The following NRG4 variants were observed in gnomAD, a reference collection of about 807,000 sequenced individuals.
The protein encoded by NRG4 is neuregulin 4.
A neutral mutation model predicts 15.0 loss-of-function variants in NRG4; 10 were observed. The ratio of observed to expected loss-of-function variants is 0.67; its 90% confidence interval spans 0.41 to 1.13. NRG4 has a LOEUF of 1.13. NRG4 is among the 50% of genes most tolerant of loss of function. The probability of loss-of-function intolerance (pLI) is 0.00; values close to 1 mark genes in which losing one functional copy is unlikely to be tolerated. For missense variants in NRG4, 139 were observed against 140.2 expected (o/e 0.99, Z 0.04); for synonymous variants, 41 against 50.1 (o/e 0.82, Z 0.77).
chr15:75,945,614 G>A (rs1375000539), intron 5 of NRG4: 1 of 152,134 alleles, frequency 6.6e-6, no homozygotes, highest in Non-Finnish European at 1.5e-5. Context: ...ATGTACAGGA[G>A]TAAAGTATGG....
chr15:76,044,347 A>C (rs1402164115), intron 4 of NRG4, among the ~76,000 whole-genome samples: 1 of 150,634 alleles, frequency 6.6e-6, no homozygotes, highest in Non-Finnish European at 1.5e-5. Flanking sequence ...TACTTGGGGA[A>C]AGGACAGTCT....
chr15:76,005,130 T>C (rs372467833), intron 3 of NRG4, among the ~76,000 whole-genome samples: 1 of 152,096 alleles, frequency 6.6e-6, no homozygotes, highest in African/African-American at 2.4e-5. Flanking sequence ...TCCCAGCACC[T>C]TGGGAAGCTG....
intron 3 of NRG4, among the ~76,000 whole-genome samples, chr15:75,974,327 C>G (rs569319830): frequency 6.6e-6 from 1 of 152,276 alleles, no homozygotes; most frequent in East Asian, 1.9e-4. Context: ...CTCCTGGATT[C>G]ATGGAGTTTT....
chr15:76,013,902 C>T (rs2034895219), upstream of NRG4, among the ~76,000 whole-genome samples: 1 of 152,142 alleles, frequency 6.6e-6, no homozygotes, highest in Non-Finnish European at 1.5e-5. Context: ...GTTCTAGATC[C>T]TTGGGGAATC....
At chr15:75,974,330 G>A (rs1020852932) in intron 3 of NRG4, among the ~76,000 whole-genome samples, 1 of 152,016 alleles carries the variant, frequency 6.6e-6, no homozygotes, top group Non-Finnish European at 1.5e-5. Flanking sequence ...CTGGATTCAT[G>A]GAGTTTTTGA....
intron 5 of NRG4, among the ~76,000 whole-genome samples, chr15:76,032,974 G>A (rs921923567): frequency 6.6e-6 from 1 of 152,114 alleles, no homozygotes; most frequent in African/African-American, 2.4e-5. Flanking sequence ...CTATCATACT[G>A]GACTCAGCAA....
intron 5 of NRG4, among the ~76,000 whole-genome samples, chr15:76,026,010 G>A (rs1409199185): frequency 6.6e-6 from 1 of 151,952 alleles, no homozygotes; most frequent in African/African-American, 2.4e-5. Context: ...CCAAAAAAAG[G>A]CCTCCAAGAT....
Position 76,023,130 on chromosome 15 carries a change from CCACACACACACACACACACACA to C in NRG4, c.-56-11866_-56-11845del, listed in dbSNP as rs10572540. Among the ~76,000 whole-genome samples the C allele has an allele frequency of 3.8e-3, 455 of 120,182 alleles. 4 individuals are homozygous for C. Among genetic ancestry groups the C allele is most frequent in the African/African-American group, 0.012 (409 of 33,362 alleles). The allele number at this position is 120,182 out of a possible 152,430, so 78.8% of individuals were successfully genotyped here. A position where few individuals can be genotyped will look rare whatever the true frequency, so the allele number is the denominator to read the frequency against. On this transcript the variant is annotated intron_variant, in intron 5 of 8. Coordinates refer to the NRG4 transcript ENST00000563910. ...ACTAGAGACACCTGGCACCCATACT[CCACACACACACACACACACACA>C]CACACACACACACACACACACACAC...
At chr15:75,995,484 C>T (rs2034181477) in intron 3 of NRG4, among the ~76,000 whole-genome samples, 1 of 152,112 alleles carries the variant, frequency 6.6e-6, no homozygotes, top group African/African-American at 2.4e-5. Flanking sequence ...AAAGGGTCTG[C>T]CCTCATGATC....
chr15:75,961,710 T>A (rs1161606069), intron 4 of NRG4, 118 bp downstream of exon 4: 2 of 706,490 alleles, frequency 2.8e-6, no homozygotes, highest in African/African-American at 3.6e-5. Context: ...ATTAAAGAGA[T>A]AACTAAACAT....
chr15:75,981,144 GGAGA>G (rs1208491559), intron 3 of NRG4, among the ~76,000 whole-genome samples: 1 of 152,162 alleles, frequency 6.6e-6, no homozygotes, highest in Non-Finnish European at 1.5e-5. Context: ...GCTTTGACAA[GGAGA>G]ATATGGTAGA....
chr15:76,010,690 AG>A (rs1418474875), intron 2 of NRG4, among the ~76,000 whole-genome samples: 1 of 152,126 alleles, frequency 6.6e-6, no homozygotes, highest in Non-Finnish European at 1.5e-5. Context: ...ACTTTCAACA[AG>A]ATTATAAAAT....
At chr15:76,001,947 A>C (rs2034431816) in intron 3 of NRG4, among the ~76,000 whole-genome samples, 1 of 152,212 alleles carries the variant, frequency 6.6e-6, no homozygotes, top group African/African-American at 2.4e-5. Context: ...AGCTTAGCTC[A>C]AAAGCTCCAA....
intron 5 of NRG4, among the ~76,000 whole-genome samples, chr15:76,017,650 T>C (rs1454183757): frequency 2.0e-5 from 3 of 152,224 alleles, no homozygotes; most frequent in Non-Finnish European, 4.4e-5. Flanking sequence ...GAATGTTGAA[T>C]ATTGGCCCCC....
intron 2 of NRG4, among the ~76,000 whole-genome samples, chr15:76,010,699 A>C (rs1168027183): frequency 6.6e-6 from 1 of 152,128 alleles, no homozygotes; most frequent in Non-Finnish European, 1.5e-5. Context: ...AAGATTATAA[A>C]ATTTTTCAGG....
chr15:76,049,037 C>A (rs1189288288), intron 4 of NRG4, among the ~76,000 whole-genome samples: 2 of 150,296 alleles, frequency 1.3e-5, no homozygotes, highest in African/African-American at 2.5e-5. Context: ...GAGCAATACT[C>A]CGTCACATAA....
At chr15:76,019,027 G>A (rs1211599771) in intron 5 of NRG4, among the ~76,000 whole-genome samples, 1 of 151,740 alleles carries the variant, frequency 6.6e-6, no homozygotes, top group East Asian at 1.9e-4. Flanking sequence ...AGATTCCCCT[G>A]CCCAGAGAGA....
chr15:76,058,645 G>C (rs892386656), intron 1 of NRG4, among the ~76,000 whole-genome samples: 1 of 152,162 alleles, frequency 6.6e-6, no homozygotes, highest in Non-Finnish European at 1.5e-5. Flanking sequence ...CTTTAGAAGA[G>C]GTACAAGAAT....
At chr15:76,030,281 C>A (rs1312835629) in intron 5 of NRG4, among the ~76,000 whole-genome samples, 1 of 151,826 alleles carries the variant, frequency 6.6e-6, no homozygotes, top group African/African-American at 2.4e-5. Flanking sequence ...AACAAACAAA[C>A]AAACAAACAA....
Sources: gnomAD v4.1 joint callset for allele counts (sites outside exome capture counted in the v4.1 genomes callset) on GRCh38, gnomAD v4.1.1 for gene constraint, MANE v1.5 for transcripts, NCBI Gene and HGNC (gene_info 2026-07-23, HGNC 2026-07-21) for gene names.